The following MAP3K7CL variants were observed in gnomAD, a reference collection of about 807,000 sequenced individuals.
MAP3K7CL encodes the protein MAP3K7 C-terminal-like protein.
Under a neutral mutation model 18.6 loss-of-function variants are expected in MAP3K7CL, and 16 were observed. The observed-to-expected ratio is 0.86, with a 90% CI of 0.58 to 1.31. The LOEUF (loss-of-function observed/expected upper bound fraction) is 1.31. MAP3K7CL is among the 50% of genes most tolerant of loss of function. MAP3K7CL has a pLI of 0.00. For synonymous variants in MAP3K7CL, 65 were observed against 66.8 expected (o/e 0.97, Z 0.13); for missense variants, 163 against 174.4 (o/e 0.93, Z 0.37).
intron 2 of MAP3K7CL, among the ~76,000 whole-genome samples, chr21:29,147,082 C>T (rs2087143717): frequency 6.6e-6 from 1 of 152,032 alleles, no homozygotes; most frequent in African/African-American, 2.4e-5. Context: ...AACATAAAAA[C>T]TGTTATCTTT....
At chr21:29,122,456 G>C (rs1202455860) in intron 4 of MAP3K7CL, among the ~76,000 whole-genome samples, 1 of 152,184 alleles carries the variant, frequency 6.6e-6, no homozygotes, top group African/African-American at 2.4e-5. Flanking sequence ...TTGCACGAAC[G>C]AATTGAAGAT....
intron 2 of MAP3K7CL, among the ~76,000 whole-genome samples, chr21:29,140,990 T>C (rs1353948727): frequency 6.6e-6 from 1 of 152,160 alleles, no homozygotes; most frequent in Non-Finnish European, 1.5e-5. Flanking sequence ...TTGCTCAGGC[T>C]GGGCTTGGAC....
chr21:29,091,366 A>T, intron 1 of MAP3K7CL: 3 of 526,474 alleles, frequency 5.7e-6, no homozygotes, highest in Admixed American at 3.7e-5. Context: ...GAATGTTTTT[A>T]GCCAGTTGAT....
intron 3 of MAP3K7CL, among the ~76,000 whole-genome samples, chr21:29,149,775 T>C (rs999737879): frequency 2.0e-5 from 3 of 152,268 alleles, no homozygotes; most frequent in Admixed American, 6.5e-5. Flanking sequence ...TTTGTATATG[T>C]AGTTTCTGAG....
At chr21:29,081,032 G>T (rs1175559120), upstream of MAP3K7CL, among the ~76,000 whole-genome samples, 2 of 152,056 alleles carry the variant, frequency 1.3e-5, no homozygotes, top group East Asian at 3.9e-4. Flanking sequence ...CCCAGACTTG[G>T]CAGTTAGAAT....
chr21:29,147,659 T>C (rs765811435), intron 2 of MAP3K7CL, among the ~76,000 whole-genome samples: 2 of 151,844 alleles, frequency 1.3e-5, no homozygotes, highest in Non-Finnish European at 1.5e-5. Context: ...GTACTGTATA[T>C]GTATCTGTAC....
rs144623892 is a variant in MAP3K7CL, at chr21:29,159,975, T to A, written c.167T>A (p.Met56Lys). 1 of 1,614,054 alleles carries A rather than the reference T, an allele frequency of 6.2e-7. No individual in the cohort carries two copies. Among genetic ancestry groups the A allele is most frequent in the Admixed American group, 1.7e-5 (1 of 60,022 alleles). Residue 56 changes from methionine (M) to lysine (K), a missense_variant, in exon 4 of 5, where the codon ATG becomes AAG. Coordinates refer to ENST00000399928, the MANE Select transcript of MAP3K7CL (RefSeq NM_001286620.2). ...LPPCHDSEES[M>K]EVFKQHCQIA... ...CCTTGTCATGACTCCGAGGAATCCA[T>A]GGAGGTGTTCAAACAGCACTGCCAA...
chr21:29,118,002 TA>T (rs1272395288), intron 4 of MAP3K7CL, among the ~76,000 whole-genome samples: 2 of 151,556 alleles, frequency 1.3e-5, no homozygotes, highest in Non-Finnish European at 2.9e-5. Context: ...TGTGGATAAT[TA>T]TTTTTTTATT....
upstream of MAP3K7CL, chr21:29,128,122 C>T (rs2086711024): frequency 6.6e-6 from 1 of 152,202 alleles, no homozygotes; most frequent in Non-Finnish European, 1.5e-5. Context: ...GATGTGGTAT[C>T]TGCTTTCCCA....
chr21:29,083,349 C>G (rs1246880006), upstream of MAP3K7CL, among the ~76,000 whole-genome samples: 1 of 152,136 alleles, frequency 6.6e-6, no homozygotes, highest in Non-Finnish European at 1.5e-5. Flanking sequence ...GAAGCCAGAC[C>G]ATTAAAGTTT....
At chr21:29,156,849 A>G (rs745729088) in intron 3 of MAP3K7CL, among the ~76,000 whole-genome samples, 2 of 152,214 alleles carry the variant, frequency 1.3e-5, no homozygotes, top group African/African-American at 4.8e-5. Context: ...ATGGCCAATG[A>G]TGTCAACTGC....
At chr21:29,109,649 A>G (rs1275969735) in intron 4 of MAP3K7CL, 2 of 990,184 alleles carry the variant, frequency 2.0e-6, no homozygotes, top group South Asian at 4.6e-5. Flanking sequence ...GAATGTCTAT[A>G]AGTGATAATT....
At position 29,175,879 on chromosome 21, in the gene MAP3K7CL, C is replaced by A. The variant is rs1304265150; in HGVS notation, c.*987C>A. On this transcript the variant is annotated 3_prime_UTR_variant, in exon 5 of 5. Transcript: ENST00000399928. ...AACTTCTTTTTCATTAAACATGGAT[C>A]AAAACTGACAGTTTCTAGTTTGCTC... 6.6e-6 allele frequency: 1 copy of A among 152,092 alleles called. No homozygotes were observed. Among genetic ancestry groups the A allele is most frequent in the Non-Finnish European group, 1.5e-5 (1 of 68,026 alleles). 9.4% of individuals were successfully genotyped at this position (152,092 alleles called of 1,614,324 possible).
chr21:29,093,099 T>A (rs1423207161), intron 4 of MAP3K7CL, among the ~76,000 whole-genome samples: 1 of 152,230 alleles, frequency 6.6e-6, no homozygotes, highest in Non-Finnish European at 1.5e-5. Flanking sequence ...AGATGGGGTT[T>A]CACCATGTTG....
In MAP3K7CL at chr21:29,123,360, G is replaced by A. The variant is rs1601195154; in HGVS notation, c.371-25829G>A. Among the ~76,000 whole-genome samples the A allele has an allele frequency of 3.3e-5, 5 of 152,068 alleles. No homozygotes were observed. The South Asian group carries it at 1.0e-3, about 32-fold the overall frequency. ...ATTACAGGCATGAGCCACTGTACCCGGCTGATCTTTTAAATAAATGTTATT... is the reference window on the plus strand; with the variant it reads ...ATTACAGGCATGAGCCACTGTACCCAGCTGATCTTTTAAATAAATGTTATT... On this transcript the variant is annotated intron_variant, in intron 4 of 6. Coordinates refer to the MAP3K7CL transcript ENST00000286791.
At chr21:29,133,455 C>A (rs2086818972) in intron 2 of MAP3K7CL, 41 bp downstream of exon 2, 1 of 1,425,884 alleles carries the variant, frequency 7.0e-7, no homozygotes, top group Non-Finnish European at 9.5e-7. Context: ...CCTTCATACC[C>A]CACCTTTCTA....
In MAP3K7CL at chr21:29,140,633, G is replaced by T. The variant is rs534266628; in HGVS notation, c.70+7219G>T. On this transcript the variant is annotated intron_variant, in intron 2 of 4. Transcript: ENST00000399928. ...GCTTCTTGACAACAAATAGCTTCCC[G>T]ACAACAAATAGCTTCCCAAAGGCCA... 2.0e-5 allele frequency among the ~76,000 whole-genome samples: 3 copies of T among 152,274 alleles called. No individual in the cohort carries two copies. In the East Asian group the frequency reaches 5.8e-4, roughly 29 times the overall value.
At chr21:29,129,867 T>C (rs997392847), upstream of MAP3K7CL, among the ~76,000 whole-genome samples, 1 of 152,256 alleles carries the variant, frequency 6.6e-6, no homozygotes, top group African/African-American at 2.4e-5. Context: ...TATAGTGGTA[T>C]TTCATTGTTG....
chr21:29,154,532 AC>A (rs1339528779), intron 3 of MAP3K7CL, among the ~76,000 whole-genome samples: 2 of 151,756 alleles, frequency 1.3e-5, no homozygotes, highest in Non-Finnish European at 2.9e-5. Flanking sequence ...AACTGATGTC[AC>A]CTCCACAAAT....
Sources: gnomAD v4.1 joint callset for allele counts (sites outside exome capture counted in the v4.1 genomes callset) on GRCh38, gnomAD v4.1.1 for gene constraint, MANE v1.5 for transcripts, NCBI Gene and HGNC (gene_info 2026-07-23, HGNC 2026-07-21) for gene names.